The following C12orf42 variants were observed in gnomAD, a reference collection of about 807,000 sequenced individuals.
The protein encoded by C12orf42 is chromosome 12 open reading frame 42.
In C12orf42, 25 loss-of-function variants were observed where a neutral mutation model predicts 21.6. The observed-to-expected ratio is 1.16, with a 90% CI of 0.84 to 1.62. The LOEUF (loss-of-function observed/expected upper bound fraction) is 1.62, where lower values mean the gene tolerates loss of function less well. C12orf42 is among the 40% of genes most tolerant of loss of function. The pLI is 0.00. For missense variants in C12orf42, 483 were observed against 459.3 expected (o/e 1.05, Z -0.47); for synonymous variants, 174 against 175.0 (o/e 0.99, Z 0.05).
the C12orf42 span, among the ~76,000 whole-genome samples, chr12:103,216,144 CTG>C: frequency 1.3e-5 from 2 of 152,298 alleles, 1 homozygote; most frequent in East Asian, 3.9e-4. Flanking sequence ...AATTTTCTCT[CTG>C]TCTTTCCTTC....
chr12:103,385,109 C>G (rs369204180), intron 3 of C12orf42, among the ~76,000 whole-genome samples: 10 of 152,126 alleles, frequency 6.6e-5, no homozygotes, highest in Admixed American at 6.5e-4. Context: ...AACCCAGAGA[C>G]GGTTTGAAAC....
At chr12:103,382,164 T>C (rs1178801043) in intron 3 of C12orf42, among the ~76,000 whole-genome samples, 1 of 151,858 alleles carries the variant, frequency 6.6e-6, no homozygotes, top group Non-Finnish European at 1.5e-5. Flanking sequence ...GAATCATGGC[T>C]TTTTTTTGTT....
upstream of C12orf42, among the ~76,000 whole-genome samples, chr12:103,498,276 T>G (rs1955623174): frequency 6.6e-6 from 1 of 152,216 alleles, no homozygotes; most frequent in African/African-American, 2.4e-5. Flanking sequence ...GAAGATGTCA[T>G]AAATTTGGCT....
At chr12:103,111,448 G>A in the C12orf42 span, among the ~76,000 whole-genome samples, 5 of 152,006 alleles carry the variant, frequency 3.3e-5, no homozygotes, top group Admixed American at 1.3e-4. Context: ...CCATTCATTC[G>A]GTCATTCATT....
the C12orf42 span, chr12:103,167,938 ACTG>A: frequency 1.1e-3 from 436 of 411,608 alleles, 6 homozygotes; most frequent in South Asian, 7.8e-3. Flanking sequence ...GTGTGTGTAT[ACTG>A]CAAATGGTTA....
chr12:103,478,518 A>G, intron 1 of C12orf42, 71 bp from the exon 2 acceptor site: 1 of 674,452 alleles, frequency 1.5e-6, no homozygotes, highest in Non-Finnish European at 2.3e-6. Flanking sequence ...GAAAAAAATG[A>G]CATCTTTAAG....
intron 6 of C12orf42, among the ~76,000 whole-genome samples, chr12:103,269,338 GAGCACCTGGGCTCAACTCGGAGGA>G (rs1390617589): frequency 1.3e-5 from 2 of 152,060 alleles, no homozygotes; most frequent in Non-Finnish European, 2.9e-5. Context: ...TCATTTGAGG[GAGCACCTGGGCTCAACTCGGAGGA>G]AGCACTCTGC....
intron 4 of C12orf42, among the ~76,000 whole-genome samples, chr12:103,287,379 A>C (rs1256280085): frequency 6.6e-6 from 1 of 152,222 alleles, no homozygotes; most frequent in Non-Finnish European, 1.5e-5. Context: ...CAACCATAAA[A>C]AATGATGAGT....
chr12:103,317,207 T>C (rs879584773), intron 4 of C12orf42, among the ~76,000 whole-genome samples: 8 of 152,244 alleles, frequency 5.3e-5, no homozygotes, highest in African/African-American at 1.4e-4. Context: ...GCATTTGTCA[T>C]AGCTCAGGCA....
chr12:103,134,742 C>A, the C12orf42 span, among the ~76,000 whole-genome samples: 1 of 152,116 alleles, frequency 6.6e-6, no homozygotes, highest in Admixed American at 6.5e-5. Context: ...TACATTTAGA[C>A]ATCCAGACAC....
chr12:103,149,779 A>T, the C12orf42 span, among the ~76,000 whole-genome samples: 7 of 151,904 alleles, frequency 4.6e-5, no homozygotes, highest in African/African-American at 1.7e-4. Context: ...AGTCAAACCT[A>T]CTCCCTTTAT....
At chr12:103,090,923 T>C in the C12orf42 span, among the ~76,000 whole-genome samples, 1 of 152,212 alleles carries the variant, frequency 6.6e-6, no homozygotes, top group Non-Finnish European at 1.5e-5. Context: ...AGTAATGTCA[T>C]TATTCATGCT....
intron 4 of C12orf42, among the ~76,000 whole-genome samples, chr12:103,338,697 C>A (rs1423133924): frequency 6.6e-6 from 1 of 152,120 alleles, no homozygotes; most frequent in African/African-American, 2.4e-5. Context: ...CCTACAGTTC[C>A]TGGGTCCCTG....
At chr12:103,130,302 C>CTAAG in the C12orf42 span, among the ~76,000 whole-genome samples, 1 of 150,928 alleles carries the variant, frequency 6.6e-6, no homozygotes, top group Non-Finnish European at 1.5e-5. Context: ...AGTAGAGATA[C>CTAAG]TAAGCCAAGT....
intron 10 of C12orf42, among the ~76,000 whole-genome samples, chr12:103,238,656 G>T (rs1365176127): frequency 1.3e-5 from 2 of 152,222 alleles, no homozygotes; most frequent in Non-Finnish European, 2.9e-5. Flanking sequence ...GCTTCCAGGA[G>T]CTCTGTCCAT....
intron 3 of C12orf42, among the ~76,000 whole-genome samples, chr12:103,392,922 C>A (rs1412324647): frequency 6.6e-6 from 1 of 152,146 alleles, no homozygotes. Flanking sequence ...GTATCTCATT[C>A]TCAGTGGTGG....
chr12:103,186,307 A>T, the C12orf42 span, among the ~76,000 whole-genome samples: 2 of 152,188 alleles, frequency 1.3e-5, no homozygotes, highest in African/African-American at 2.4e-5. Flanking sequence ...GTCTTGTAGT[A>T]TGACACCAAA....
the C12orf42 span, among the ~76,000 whole-genome samples, chr12:103,172,642 C>T: frequency 6.6e-6 from 1 of 152,048 alleles, no homozygotes; most frequent in South Asian, 2.1e-4. Context: ...ATGTGGCAAC[C>T]CCACAAAGTC....
At chr12:103,480,481 T>C (rs898379952) in intron 1 of C12orf42, among the ~76,000 whole-genome samples, 2 of 151,698 alleles carry the variant, frequency 1.3e-5, no homozygotes, top group Non-Finnish European at 3.0e-5. Context: ...ATTTATTCTC[T>C]TTCCTATACA....
Sources: gnomAD v4.1 joint callset for allele counts (sites outside exome capture counted in the v4.1 genomes callset) on GRCh38, gnomAD v4.1.1 for gene constraint, MANE v1.5 for transcripts, NCBI Gene and HGNC (gene_info 2026-07-23, HGNC 2026-07-21) for gene names.